Variants in OXCT1 observed in about 807,000 individuals in gnomAD.
OXCT1 encodes succinyl-CoA:3-ketoacid coenzyme A transferase 1, mitochondrial.
OXCT1 carries 27 observed loss-of-function variants against 69.6 expected under a neutral mutation model. That is an observed-to-expected ratio of 0.39 (90% CI 0.29 to 0.54). OXCT1 has a LOEUF of 0.54. Ranked by LOEUF, OXCT1 falls within the 20% of genes least tolerant of loss-of-function variation. The probability of loss-of-function intolerance (pLI) is 0.72; values close to 1 mark genes in which losing one functional copy is unlikely to be tolerated. For synonymous variants in OXCT1, 202 were observed against 217.8 expected (o/e 0.93, Z 0.64); for missense variants, 437 against 650.2 (o/e 0.67, Z 3.57).
intron 4 of OXCT1, among the ~76,000 whole-genome samples, chr5:41,852,722 G>A (rs1749237560): frequency 6.6e-6 from 1 of 152,118 alleles, no homozygotes. Flanking sequence ...CCTTTCAAGG[G>A]CTTCACTCTG....
intron 7 of OXCT1, among the ~76,000 whole-genome samples, chr5:41,833,132 A>C (rs1357217982): frequency 6.6e-6 from 1 of 152,220 alleles, no homozygotes; most frequent in Non-Finnish European, 1.5e-5. Flanking sequence ...AGAGAAAGAT[A>C]AACATTCAAG....
chr5:41,844,837 A>G lies in OXCT1; in HGVS notation c.565-2056T>C, dbSNP rs2112417707. Among the ~76,000 whole-genome samples the G allele has an allele frequency of 2.0e-5, 3 of 151,654 alleles. No homozygotes were observed. The South Asian group carries it at 6.3e-4, about 32-fold the overall frequency. On this transcript the variant is annotated intron_variant, in intron 5 of 16. Transcript: ENST00000196371. ...AACACCAATTTCAACCACTTCTCTC[A>G]AACTCCACTGTTACCACCTTGGTCT... is the stretch of plus-strand genomic sequence containing the variant.
At chr5:41,855,781 G>C (rs1749400489) in intron 3 of OXCT1, among the ~76,000 whole-genome samples, 1 of 152,202 alleles carries the variant, frequency 6.6e-6, no homozygotes, top group African/African-American at 2.4e-5. Context: ...CATGCTAAGG[G>C]AATTAGGCAC....
chr5:41,800,638 C>T (rs1746379118), intron 11 of OXCT1, among the ~76,000 whole-genome samples: 1 of 151,672 alleles, frequency 6.6e-6, no homozygotes, highest in Non-Finnish European at 1.5e-5. Context: ...ATCACAGCAA[C>T]CTGTCCCATA....
chr5:41,815,147 C>A (rs1747177537), intron 7 of OXCT1, among the ~76,000 whole-genome samples: 1 of 152,038 alleles, frequency 6.6e-6, no homozygotes, highest in Non-Finnish European at 1.5e-5. Flanking sequence ...TTATATTATA[C>A]AACATCTGAC....
intron 7 of OXCT1, among the ~76,000 whole-genome samples, chr5:41,838,584 G>T (rs1748484298): frequency 6.6e-6 from 1 of 151,632 alleles, no homozygotes; most frequent in South Asian, 2.1e-4. Flanking sequence ...AGCTTTGCTT[G>T]ATATGGGACT....
Position 41,764,854 on chromosome 5 carries a change from C to T in OXCT1, c.1249-2654G>A, listed in dbSNP as rs147651265. On this transcript the variant is annotated intron_variant, in intron 13 of 16. Coordinates refer to ENST00000196371, the MANE Select transcript of OXCT1 (RefSeq NM_000436.4). ...AATGAGGGGATTCACACAAGTAGCC[C>T]ATTAGGTGGTAAGAGCAATACTGTG... Among the ~76,000 whole-genome samples the T allele has an allele frequency of 1.5e-3, 234 of 152,184 alleles. 1 individual carries two copies. The highest frequency in any genetic ancestry group is 5.4e-3 in the African/African-American group (225 of 41,522).
At chr5:41,843,639 T>G in intron 5 of OXCT1, 1 of 455,734 alleles carries the variant, frequency 2.2e-6, no homozygotes, top group Non-Finnish European at 4.4e-6. Context: ...ATTGCCACAC[T>G]CCATCACTGC....
intron 7 of OXCT1, among the ~76,000 whole-genome samples, chr5:41,826,097 G>A (rs139566466): frequency 2.2e-3 from 330 of 152,270 alleles, no homozygotes; most frequent in African/African-American, 7.5e-3. Context: ...CCTTGCTCTC[G>A]TGAAGGTGTC....
At chr5:41,820,182 C>A (rs1431645297) in intron 7 of OXCT1, among the ~76,000 whole-genome samples, 3 of 152,078 alleles carry the variant, frequency 2.0e-5, no homozygotes, top group Non-Finnish European at 4.4e-5. Flanking sequence ...GAAAAATATT[C>A]AATGTCTCTT....
At chr5:41,842,913 G>C (rs72746968) in intron 5 of OXCT1, 132 bp from the exon 6 acceptor site, 38,414 of 748,612 alleles carry the variant, frequency 0.051, 1,148 homozygotes, top group African/African-American at 0.08. Context: ...AAGCATCCCA[G>C]AGACTTCAAA....
At chr5:41,764,923 C>T (rs913681949) in intron 13 of OXCT1, among the ~76,000 whole-genome samples, 1 of 152,134 alleles carries the variant, frequency 6.6e-6, no homozygotes, top group African/African-American at 2.4e-5. Context: ...TAGCAGGTCA[C>T]AGGAAAACCT....
intron 5 of OXCT1, 22 bp downstream of exon 5, chr5:41,850,008 T>G: frequency 6.2e-7 from 1 of 1,613,102 alleles, no homozygotes; most frequent in Non-Finnish European, 8.5e-7. Flanking sequence ...CCTGGTATAA[T>G]CTGGTTAAGA....
intron 13 of OXCT1, among the ~76,000 whole-genome samples, chr5:41,763,934 G>A (rs940913421): frequency 2.6e-5 from 4 of 152,124 alleles, no homozygotes; most frequent in African/African-American, 9.7e-5. Context: ...TTAAATTACT[G>A]TCAATTAGTT....
At chr5:41,869,752 C>A (rs924630048) in intron 1 of OXCT1, among the ~76,000 whole-genome samples, 1 of 152,120 alleles carries the variant, frequency 6.6e-6, no homozygotes, top group Non-Finnish European at 1.5e-5. Flanking sequence ...ATTCCACACC[C>A]GCCGCACCCG....
At chr5:41,867,456 T>C (rs917258070) in intron 1 of OXCT1, among the ~76,000 whole-genome samples, 13 of 152,222 alleles carry the variant, frequency 8.5e-5, no homozygotes, top group Admixed American at 7.2e-4. Context: ...AAGAAACAGT[T>C]GCTGAGAAAG....
intron 13 of OXCT1, among the ~76,000 whole-genome samples, chr5:41,781,920 C>T (rs986703497): frequency 4.9e-4 from 75 of 152,052 alleles, no homozygotes; most frequent in African/African-American, 1.6e-3. Flanking sequence ...GAACATAACA[C>T]ACACGTTTCT....
rs3050894 is a variant in OXCT1, at chr5:41,859,864, A to AATATATATATATATATATAT, written c.278+1430_278+1449dup. Among the ~76,000 whole-genome samples the AATATATATATATATATATAT allele has an allele frequency of 8.2e-3, 977 of 119,252 alleles. 11 individuals are homozygous for AATATATATATATATATATAT. Among genetic ancestry groups the AATATATATATATATATATAT allele is most frequent in the South Asian group, 0.015 (50 of 3,390 alleles). 78.2% of individuals were successfully genotyped at this position (119,252 alleles called of 152,430 possible). On this transcript the variant is annotated intron_variant, in intron 3 of 16. Transcript: ENST00000196371. Reference sequence around the variant, plus strand: ...AACTATTATACCTGACTAGTATAGTAATATATATATATATATATATATGTA... The same window carrying AATATATATATATATATATAT: ...AACTATTATACCTGACTAGTATAGTAATATATATATATATATATATATATATATATATATATATATATGTA...
chr5:41,841,666 T>C (rs1401163236), intron 6 of OXCT1, among the ~76,000 whole-genome samples: 1 of 152,194 alleles, frequency 6.6e-6, no homozygotes, highest in African/African-American at 2.4e-5. Context: ...TTTCAATAAT[T>C]CCTTTCTGTT....
Sources: gnomAD v4.1 joint callset for allele counts (sites outside exome capture counted in the v4.1 genomes callset) on GRCh38, gnomAD v4.1.1 for gene constraint, MANE v1.5 for transcripts, NCBI Gene and HGNC (gene_info 2026-07-23, HGNC 2026-07-21) for gene names.